Variants in HOMER2 observed in about 807,000 individuals in gnomAD.
HOMER2 encodes homer scaffold protein 2, also known as homer protein homolog 2.
A neutral mutation model predicts 47.0 loss-of-function variants in HOMER2; 27 were observed. The observed-to-expected ratio is 0.57, with a 90% CI of 0.42 to 0.79. The LOEUF (loss-of-function observed/expected upper bound fraction) is 0.79. Among genes scored for constraint, HOMER2 ranks in the 30% least tolerant of loss-of-function variants. HOMER2 has a pLI of 0.00. For synonymous variants in HOMER2, 161 were observed against 163.8 expected (o/e 0.98, Z 0.13); for missense variants, 443 against 435.0 (o/e 1.02, Z -0.16).
chr15:82,892,848 TAA>T lies in HOMER2; in HGVS notation c.6-9_6-8del, dbSNP rs1213875776. The T allele has an allele frequency of 1.7e-5, 27 of 1,555,466 alleles. No individual in the cohort carries two copies. The highest frequency in any genetic ancestry group is 2.4e-5 in the Non-Finnish European group (27 of 1,140,832). ...GGTGAAGATGGGCTGTTCTCTGCAA[TAA>T]GAGAGTGGGCGTGTGAGTTGAGAGA... On this transcript the variant is annotated splice_region_variant and splice_polypyrimidine_tract_variant and intron_variant, in intron 1 of 8. Coordinates refer to ENST00000450735, the MANE Select transcript of HOMER2 (RefSeq NM_004839.4).
intron 1 of HOMER2, among the ~76,000 whole-genome samples, chr15:82,940,695 T>C (rs1182327253): frequency 6.6e-6 from 1 of 151,908 alleles, no homozygotes; most frequent in African/African-American, 2.4e-5. Context: ...TGAGCTGAGA[T>C]GCACTCTAGC....
intron 1 of HOMER2, among the ~76,000 whole-genome samples, chr15:82,950,142 G>T (rs538806722): frequency 6.6e-6 from 1 of 152,146 alleles, no homozygotes; most frequent in Non-Finnish European, 1.5e-5. Flanking sequence ...GGTCAAAGGT[G>T]CCTATCTTGT....
chr15:82,954,460 G>GTTTTTTTTT (rs34974567), upstream of HOMER2, among the ~76,000 whole-genome samples: 1 of 134,426 alleles, frequency 7.4e-6, no homozygotes, highest in Non-Finnish European at 1.6e-5. Flanking sequence ...ACCACGCCCA[G>GTTTTTTTTT]TTTTTTTTTT....
intron 1 of HOMER2, among the ~76,000 whole-genome samples, chr15:82,895,491 A>C (rs2052879305): frequency 6.6e-6 from 1 of 152,158 alleles, no homozygotes; most frequent in Non-Finnish European, 1.5e-5. Context: ...CCAGCACCAT[A>C]TTTTGCTAAT....
chr15:82,835,337 G>C (rs2051114032), downstream of HOMER2: 1 of 152,234 alleles, frequency 6.6e-6, no homozygotes, highest in South Asian at 2.1e-4. Flanking sequence ...ATGTTGGCAG[G>C]ATGGTCTCGA....
intron 4 of HOMER2, among the ~76,000 whole-genome samples, chr15:82,863,520 C>G (rs934753341): frequency 6.6e-6 from 1 of 152,174 alleles, no homozygotes; most frequent in African/African-American, 2.4e-5. Flanking sequence ...CACACTTACT[C>G]CTGCCCCTAA....
At chr15:82,976,924 C>G (rs569783429) in intron 1 of HOMER2, among the ~76,000 whole-genome samples, 8 of 152,034 alleles carry the variant, frequency 5.3e-5, no homozygotes, top group African/African-American at 1.9e-4. Context: ...GATCTGCCCC[C>G]CTCGGCCTCC....
intron 1 of HOMER2, among the ~76,000 whole-genome samples, chr15:82,893,075 G>A (rs963075518): frequency 2.0e-5 from 3 of 152,154 alleles, no homozygotes; most frequent in Non-Finnish European, 2.9e-5. Context: ...GGCAATTGGT[G>A]TAATGAACAA....
intron 5 of HOMER2, among the ~76,000 whole-genome samples, chr15:82,856,248 A>G (rs2051581693): frequency 6.6e-6 from 1 of 152,224 alleles, no homozygotes; most frequent in Non-Finnish European, 1.5e-5. Context: ...CATTAAACTC[A>G]GATTTGAAAA....
intron 2 of HOMER2, among the ~76,000 whole-genome samples, chr15:82,889,620 T>C (rs924299987): frequency 2.0e-5 from 3 of 152,092 alleles, no homozygotes; most frequent in African/African-American, 4.8e-5. Context: ...AGGATCGAGA[T>C]TGGGCTCAGG....
chr15:82,845,436 C>T (rs2051229726), downstream of HOMER2: 1 of 152,136 alleles, frequency 6.6e-6, no homozygotes, highest in Admixed American at 6.5e-5. Flanking sequence ...GACAGGAGTC[C>T]CTCTCCATGC....
chr15:82,835,919 T>C (rs531408322), downstream of HOMER2: 1 of 152,268 alleles, frequency 6.6e-6, no homozygotes, highest in African/African-American at 2.4e-5. Context: ...ACTTTTCTTA[T>C]GCATATTTTG....
At chr15:82,920,062 A>T (rs2053689239) in intron 1 of HOMER2, among the ~76,000 whole-genome samples, 1 of 152,120 alleles carries the variant, frequency 6.6e-6, no homozygotes, top group Admixed American at 6.5e-5. Context: ...TTATTCTTGG[A>T]GCCAGTAACT....
intron 3 of HOMER2, among the ~76,000 whole-genome samples, chr15:82,874,372 C>G (rs2052275931): frequency 6.6e-6 from 1 of 152,144 alleles, no homozygotes; most frequent in Non-Finnish European, 1.5e-5. Flanking sequence ...TTACCTTAAA[C>G]CAAAATATTC....
At chr15:82,865,791 G>C (rs1330519389) in intron 3 of HOMER2, among the ~76,000 whole-genome samples, 2 of 152,242 alleles carry the variant, frequency 1.3e-5, no homozygotes, top group African/African-American at 4.8e-5. Flanking sequence ...AGCCTTGGCA[G>C]CTTCCACATG....
At chr15:82,935,079 C>G (rs1406709575) in intron 1 of HOMER2, among the ~76,000 whole-genome samples, 1 of 152,138 alleles carries the variant, frequency 6.6e-6, no homozygotes, top group Non-Finnish European at 1.5e-5. Context: ...GCTCCTCTGC[C>G]CCCCGCCTTC....
chr15:82,972,395 T>C (rs1008176754), intron 1 of HOMER2, among the ~76,000 whole-genome samples: 2 of 152,250 alleles, frequency 1.3e-5, no homozygotes, highest in African/African-American at 4.8e-5. Context: ...GGTGTGTCTG[T>C]TGCAGGCCAT....
At chr15:82,930,209 T>C (rs1195534113) in intron 1 of HOMER2, among the ~76,000 whole-genome samples, 2 of 152,230 alleles carry the variant, frequency 1.3e-5, no homozygotes, top group Non-Finnish European at 2.9e-5. Context: ...GTGCTGGCTG[T>C]GTGACCTTAA....
At chr15:82,853,640 G>A (rs1034492189) in intron 6 of HOMER2, among the ~76,000 whole-genome samples, 7 of 152,172 alleles carry the variant, frequency 4.6e-5, no homozygotes, top group Non-Finnish European at 1.0e-4. Flanking sequence ...TTTCTAGTGG[G>A]AGGATTAACC....
Sources: allele counts gnomAD v4.1 joint callset (sites outside exome capture counted in the v4.1 genomes callset), GRCh38; gene constraint gnomAD v4.1.1; transcripts MANE v1.5; gene names NCBI Gene and HGNC (gene_info 2026-07-23, HGNC 2026-07-21).